LRMDA: variants seen among roughly 807,000 people sequenced by gnomAD.
LRMDA encodes the protein leucine rich melanocyte differentiation associated, also known as leucine-rich melanocyte differentiation-associated protein.
In LRMDA, 18 loss-of-function variants were observed where a neutral mutation model predicts 29.8. The observed-to-expected ratio is 0.60, with a 90% CI of 0.42 to 0.90. The LOEUF (loss-of-function observed/expected upper bound fraction) is 0.90, where lower values mean the gene tolerates loss of function less well. Among genes scored for constraint, LRMDA ranks in the 40% least tolerant of loss-of-function variants. LRMDA has a pLI of 0.00. For synonymous variants in LRMDA, 125 were observed against 109.4 expected (o/e 1.14, Z -0.89); for missense variants, 273 against 273.9 (o/e 1.00, Z 0.02).
chr10:75,792,827 T>C (rs985828185), intron 2 of LRMDA, among the ~76,000 whole-genome samples: 12 of 152,184 alleles, frequency 7.9e-5, no homozygotes, highest in South Asian at 4.1e-4. Flanking sequence ...AATGAGTTGA[T>C]ATATGAAAAG....
chr10:76,473,454 C>T (rs770041473), intron 6 of LRMDA, among the ~76,000 whole-genome samples: 1 of 151,322 alleles, frequency 6.6e-6, no homozygotes, highest in Non-Finnish European at 1.5e-5. Flanking sequence ...TGATCAGGAA[C>T]AAGACCAAGA....
At chr10:76,297,175 T>C (rs918724765) in intron 5 of LRMDA, among the ~76,000 whole-genome samples, 12 of 152,232 alleles carry the variant, frequency 7.9e-5, no homozygotes, top group African/African-American at 2.9e-4. Flanking sequence ...TCTCAATTGA[T>C]TGATGAGTTC....
At chr10:76,118,341 T>C (rs919557823) in intron 5 of LRMDA, among the ~76,000 whole-genome samples, 1 of 152,192 alleles carries the variant, frequency 6.6e-6, no homozygotes, top group Non-Finnish European at 1.5e-5. Flanking sequence ...GGTTGGGCTC[T>C]ATAAAATCAT....
At chr10:75,620,635 C>A (rs1841168655) in intron 2 of LRMDA, among the ~76,000 whole-genome samples, 1 of 152,252 alleles carries the variant, frequency 6.6e-6, no homozygotes, top group South Asian at 2.1e-4. Context: ...TGTGACTTGT[C>A]ACACTCCATC....
chr10:75,507,311 C>T (rs1845181172), intron 2 of LRMDA, among the ~76,000 whole-genome samples: 2 of 152,180 alleles, frequency 1.3e-5, no homozygotes, highest in Admixed American at 1.3e-4. Flanking sequence ...AGGGGTACCC[C>T]AGCAAGGGCA....
intron 5 of LRMDA, among the ~76,000 whole-genome samples, chr10:76,157,672 G>A (rs1302538572): frequency 6.6e-6 from 1 of 151,742 alleles, no homozygotes; most frequent in African/African-American, 2.4e-5. Flanking sequence ...GAGATGGACA[G>A]CCTGAGCCTC....
chr10:75,691,264 A>G (rs60396461), intron 2 of LRMDA, among the ~76,000 whole-genome samples: 14,603 of 145,374 alleles, frequency 0.1, 904 homozygotes, highest in South Asian at 0.22. Context: ...GTATATGTGT[A>G]TATATATATA....
chr10:76,315,874 C>T (rs1480065932), intron 5 of LRMDA, among the ~76,000 whole-genome samples: 5 of 152,142 alleles, frequency 3.3e-5, no homozygotes, highest in Non-Finnish European at 7.3e-5. Context: ...TCAGCACTCA[C>T]TTCCTCCCTT....
intron 5 of LRMDA, among the ~76,000 whole-genome samples, chr10:76,291,316 T>A (rs923719981): frequency 2.0e-5 from 3 of 152,232 alleles, no homozygotes; most frequent in African/African-American, 7.2e-5. Context: ...GATATTGTGA[T>A]GAACAATGTA....
intron 2 of LRMDA, among the ~76,000 whole-genome samples, chr10:75,830,138 A>G: frequency 6.6e-6 from 1 of 152,056 alleles, no homozygotes; most frequent in East Asian, 1.9e-4. Flanking sequence ...AACCACCTTA[A>G]ACGTCCATTT....
At chr10:76,200,650 AT>A (rs1851408900) in intron 5 of LRMDA, among the ~76,000 whole-genome samples, 1 of 151,250 alleles carries the variant, frequency 6.6e-6, no homozygotes, top group South Asian at 2.1e-4. Context: ...ATTGTACTTG[AT>A]ATTGGATAGC....
intron 2 of LRMDA, among the ~76,000 whole-genome samples, chr10:75,809,868 A>T (rs1170973662): frequency 6.6e-6 from 1 of 152,186 alleles, no homozygotes; most frequent in African/African-American, 2.4e-5. Flanking sequence ...TCAGAGTCCA[A>T]TGCTAAATGA....
intron 5 of LRMDA, among the ~76,000 whole-genome samples, chr10:76,171,186 C>G (rs948255774): frequency 6.6e-6 from 1 of 152,200 alleles, no homozygotes; most frequent in African/African-American, 2.4e-5. Context: ...TATGCTATGC[C>G]TACCCTTCAG....
intron 5 of LRMDA, among the ~76,000 whole-genome samples, chr10:76,079,649 A>G (rs1416002455): frequency 6.6e-6 from 1 of 152,254 alleles, no homozygotes; most frequent in Non-Finnish European, 1.5e-5. Context: ...GAAAGGCCCA[A>G]GAAGTATGGA....
At chr10:76,424,158 G>A (rs978814999) in intron 6 of LRMDA, among the ~76,000 whole-genome samples, 11 of 152,104 alleles carry the variant, frequency 7.2e-5, no homozygotes, top group African/African-American at 2.7e-4. Context: ...AGTGATTTTT[G>A]ACATTAAGGA....
At chr10:75,992,848 A>C (rs1402373363) in intron 2 of LRMDA, among the ~76,000 whole-genome samples, 3 of 152,220 alleles carry the variant, frequency 2.0e-5, no homozygotes, top group Non-Finnish European at 4.4e-5. Context: ...CAGATAACAC[A>C]GGTCTTGGAC....
At chr10:76,513,509 C>G (rs1002582440) in intron 6 of LRMDA, among the ~76,000 whole-genome samples, 2 of 151,988 alleles carry the variant, frequency 1.3e-5, no homozygotes, top group Non-Finnish European at 2.9e-5. Flanking sequence ...CAGAGAGTAC[C>G]AACTCATTAT....
At chr10:75,850,143 G>C (rs751096572) in intron 2 of LRMDA, among the ~76,000 whole-genome samples, 67 of 152,220 alleles carry the variant, frequency 4.4e-4, no homozygotes, top group Non-Finnish European at 8.1e-4. Context: ...TTTATTATAT[G>C]AGCACCTTGA....
intron 6 of LRMDA, among the ~76,000 whole-genome samples, chr10:76,444,610 G>A (rs1842335107): frequency 1.3e-5 from 2 of 152,234 alleles, no homozygotes; most frequent in South Asian, 4.2e-4. Context: ...TGATGGTGTG[G>A]TTACACAACC....
Sources: gnomAD v4.1 joint callset for allele counts (sites outside exome capture counted in the v4.1 genomes callset) on GRCh38, gnomAD v4.1.1 for gene constraint, MANE v1.5 for transcripts, NCBI Gene and HGNC (gene_info 2026-07-23, HGNC 2026-07-21) for gene names.